The following ATP5F1C variants were observed in gnomAD, a reference collection of about 807,000 sequenced individuals.
ATP5F1C encodes the protein ATP synthase F1 subunit gamma.
ATP5F1C carries 22 observed loss-of-function variants against 37.4 expected under a neutral mutation model. The observed-to-expected ratio is 0.59, with a 90% CI of 0.42 to 0.84. The LOEUF is 0.84. ATP5F1C is among the 40% of genes least tolerant of loss of function. ATP5F1C has a pLI of 0.00. For synonymous variants in ATP5F1C, 121 were observed against 128.0 expected, an observed-to-expected ratio of 0.95 and a Z score of 0.37; for missense variants, 286 against 362.4, an observed-to-expected ratio of 0.79 and a Z score of 1.71.
chr10:7,796,786 G>A (rs1022739976), intron 2 of ATP5F1C: 17 of 234,580 alleles, frequency 7.2e-5, no homozygotes, highest in Non-Finnish European at 1.2e-4. Context: ...GGGTTTCACC[G>A]TGTTAGCCAA....
chr10:7,795,362 G>A (rs1308981871), intron 1 of ATP5F1C, among the ~76,000 whole-genome samples: 1 of 152,082 alleles, frequency 6.6e-6, no homozygotes, highest in Non-Finnish European at 1.5e-5. Flanking sequence ...TGGATTTGAA[G>A]GCAGAAAGAT....
At chr10:7,806,828 GGTAA>G (rs1250105831) in intron 8 of ATP5F1C, 142 bp from the exon 9 acceptor site, 2 of 603,284 alleles carry the variant, frequency 3.3e-6, no homozygotes, top group African/African-American at 3.7e-5. Context: ...GGAATCTTGT[GGTAA>G]GTATTTTTGC....
In ATP5F1C at chr10:7,797,182, A is replaced by G. The variant is rs2096438; in HGVS notation, c.223+4A>G. The G allele has an allele frequency of 1.9e-3, 3,082 of 1,613,160 alleles. 57 individuals are homozygous for G. The African/African-American group carries it at 0.036, about 19-fold the overall frequency. On this transcript the variant is annotated splice_donor_region_variant and intron_variant, in intron 3 of 9. Transcript: ENST00000356708. ...ATATATGGATTGGGATCTTTAGGTA[A>G]GGGAAGAGTGTAATTCACAAATTAG... is the stretch of plus-strand genomic sequence containing the variant.
intron 7 of ATP5F1C, 25 bp downstream of exon 7, chr10:7,802,450 C>A: frequency 6.3e-7 from 1 of 1,591,494 alleles, no homozygotes; most frequent in Non-Finnish European, 8.5e-7. Context: ...TGGACAGTGC[C>A]AGCAGGAGTG....
chr10:7,795,398 C>T (rs1836221651), intron 1 of ATP5F1C, among the ~76,000 whole-genome samples: 1 of 152,076 alleles, frequency 6.6e-6, no homozygotes, highest in Non-Finnish European at 1.5e-5. Flanking sequence ...AGCATGTCTT[C>T]CCCCATTAGG....
chr10:7,790,291 C>G (rs1836142598), intron 1 of ATP5F1C, among the ~76,000 whole-genome samples: 1 of 152,112 alleles, frequency 6.6e-6, no homozygotes, highest in South Asian at 2.1e-4. Context: ...GAGAGGCTAC[C>G]ATGCTAACAT....
intron 6 of ATP5F1C, 104 bp downstream of exon 6, chr10:7,800,195 G>C (rs1191830266): frequency 2.5e-6 from 3 of 1,189,702 alleles, no homozygotes; most frequent in Non-Finnish European, 3.7e-6. Context: ...TATAGCAAAT[G>C]ATTTGGGGCT....
chr10:7,807,592 T>C (rs1836508000), intron 9 of ATP5F1C, 67 bp from the exon 10 acceptor site: 1 of 1,520,608 alleles, frequency 6.6e-7, no homozygotes, highest in Non-Finnish European at 9.0e-7. Flanking sequence ...TGTATTATTA[T>C]CTCTTGACAT....
intron 1 of ATP5F1C, among the ~76,000 whole-genome samples, chr10:7,795,559 T>C (rs1405409678): frequency 1.3e-5 from 2 of 152,244 alleles, no homozygotes; most frequent in Non-Finnish European, 1.5e-5. Context: ...GTTTACAAGG[T>C]AACAATATGT....
intron 8 of ATP5F1C, 83 bp downstream of exon 8, chr10:7,802,937 GT>G: frequency 2.4e-6 from 3 of 1,249,498 alleles, no homozygotes; most frequent in Non-Finnish European, 2.3e-6. Context: ...AAAGTTTTTC[GT>G]TTTTTTCTTT....
intron 3 of ATP5F1C, 69 bp downstream of exon 3, chr10:7,797,247 C>G: frequency 6.4e-7 from 1 of 1,571,832 alleles, no homozygotes; most frequent in East Asian, 2.3e-5. Flanking sequence ...TGATGACTTA[C>G]ATTTAGAGCT....
intron 1 of ATP5F1C, 95 bp downstream of exon 1, chr10:7,788,358 G>A: frequency 2.0e-6 from 3 of 1,492,538 alleles, no homozygotes; most frequent in East Asian, 2.4e-5. Flanking sequence ...GGGCAGATGT[G>A]GGGTCGCAGG....
At chr10:7,788,464 C>T (rs1836092594) in intron 1 of ATP5F1C, among the ~76,000 whole-genome samples, 2 of 152,218 alleles carry the variant, frequency 1.3e-5, no homozygotes, top group African/African-American at 4.8e-5. Flanking sequence ...GGCCGGGCTC[C>T]GGCGGAGCAA....
rs1046568019 is a variant in ATP5F1C at position 7,799,821 on chromosome 10, C to T, written c.478C>T (p.Pro160Ser). 1 of 1,614,162 alleles carries T rather than the reference C, an allele frequency of 6.2e-7. No homozygotes were observed. Among genetic ancestry groups the T allele is most frequent in the African/African-American group, 1.3e-5 (1 of 75,062 alleles). Residue 160 changes from proline (P) to serine (S), a missense_variant, in exon 5 of 10, where the codon CCC becomes TCC. Coordinates refer to ENST00000356708, the MANE Select transcript of ATP5F1C (RefSeq NM_001001973.3). ...LVAFKEVGRK[P>S]PTFGDASVIA... is the part of the protein sequence containing the mutation. ...GGCATTCAAAGAAGTGGGAAGAAAG[C>T]CCCCCACTTTTGGAGATGCGTCAGT...
chr10:7,790,336 A>T (rs1180022404), intron 1 of ATP5F1C, among the ~76,000 whole-genome samples: 5 of 152,238 alleles, frequency 3.3e-5, no homozygotes, highest in Non-Finnish European at 5.9e-5. Flanking sequence ...CACAGTGGTT[A>T]TTTTAATAGT....
intron 1 of ATP5F1C, among the ~76,000 whole-genome samples, chr10:7,788,577 C>A (rs546969030): frequency 2.0e-5 from 3 of 152,328 alleles, no homozygotes; most frequent in African/African-American, 7.2e-5. Flanking sequence ...CTCAGCTAAT[C>A]AGCACTTCCT....
chr10:7,800,330 G>A (rs2131069987), intron 6 of ATP5F1C, among the ~76,000 whole-genome samples: 1 of 151,952 alleles, frequency 6.6e-6, no homozygotes, highest in South Asian at 2.1e-4. Context: ...CTAGTACCTG[G>A]GACTACAGGC....
At position 7,799,027 on chromosome 10, in the gene ATP5F1C, C is replaced by T. The variant is rs1177506468; in HGVS notation, c.261C>T (p.Asp87=). The part of the protein sequence containing the change: ...YEKADIKGPE[D]KKKHLLIGVS... ...AAGCTGATATCAAGGGGCCTGAAGA[C>T]AAGAAGAAACACCTCCTTATTGGTG... Residue 87 remains aspartate, a synonymous_variant, in exon 4 of 10, where the codon GAC becomes GAT. Coordinates refer to ENST00000356708, the MANE Select transcript of ATP5F1C (RefSeq NM_001001973.3). The T allele has an allele frequency of 1.2e-6, 2 of 1,612,326 alleles. No individual in the cohort carries two copies. Among genetic ancestry groups the T allele is most frequent in the Admixed American group, 3.3e-5 (2 of 60,018 alleles).
chr10:7,802,664 TTTC>T (rs1836393215), intron 7 of ATP5F1C, 91 bp from the exon 8 acceptor site: 2 of 1,372,030 alleles, frequency 1.5e-6, no homozygotes, highest in Admixed American at 4.9e-5. Context: ...TATCCAAAAA[TTTC>T]TTACTTTTAA....
Sources: gnomAD v4.1 joint callset for allele counts (sites outside exome capture counted in the v4.1 genomes callset) on GRCh38, gnomAD v4.1.1 for gene constraint, MANE v1.5 for transcripts, NCBI Gene and HGNC (gene_info 2026-07-23, HGNC 2026-07-21) for gene names.